Variants in B4GALT4 observed in about 807,000 individuals in gnomAD.
B4GALT4 encodes the protein N-acetyllactosamine synthase.
A neutral mutation model predicts 37.3 loss-of-function variants in B4GALT4; 27 were observed. The observed-to-expected ratio is 0.72, with a 90% CI of 0.53 to 1.00. B4GALT4 has a LOEUF of 1.00. Among genes scored for constraint, B4GALT4 ranks in the 50% least tolerant of loss-of-function variants. The pLI is 0.00. For missense variants in B4GALT4, 372 were observed against 413.1 expected, an observed-to-expected ratio of 0.90 and a Z score of 0.86; for synonymous variants, 148 against 154.1, an observed-to-expected ratio of 0.96 and a Z score of 0.29.
Position 119,218,686 on chromosome 3 carries a change from C to G in B4GALT4, c.761G>C (p.Trp254Ser), listed in dbSNP as rs1032269159. The change falls in exon 6 of 8, where the codon TGG (tryptophan) becomes TCG (serine). Residue 254 changes from tryptophan to serine, a missense_variant. Coordinates refer to ENST00000393765, the MANE Select transcript of B4GALT4 (RefSeq NM_003778.4). ...GTCATCGTCTTCGCCTCCCCATCCC[C>G]AGTAGTTGTTAGAGAATCCATTCAC... ...FKVNGFSNNYWGWGGEDDDLR... is the reference protein window; with the variant it reads ...FKVNGFSNNYSGWGGEDDDLR... 2 of 1,614,074 alleles carry G rather than the reference C, an allele frequency of 1.2e-6. No homozygotes were observed. Among genetic ancestry groups the G allele is most frequent in the African/African-American group, 2.7e-5 (2 of 74,924 alleles).
At chr3:119,238,907 C>T (rs546237891) in intron 1 of B4GALT4, among the ~76,000 whole-genome samples, 2 of 152,198 alleles carry the variant, frequency 1.3e-5, no homozygotes, top group African/African-American at 4.8e-5. Flanking sequence ...AAGCCCCAAT[C>T]TCAAAGAAAA....
At chr3:119,232,602 T>A (rs927311607) in intron 2 of B4GALT4, 1 of 152,310 alleles carries the variant, frequency 6.6e-6, no homozygotes, top group Non-Finnish European at 1.5e-5. Flanking sequence ...TGCCTTCCGT[T>A]TCCTAGGGAC....
chr3:119,238,244 G>T (rs1014887484), intron 1 of B4GALT4, among the ~76,000 whole-genome samples: 2 of 142,364 alleles, frequency 1.4e-5, no homozygotes, highest in African/African-American at 2.6e-5. Flanking sequence ...TCCAGCCTGG[G>T]CATCAGAGAC....
chr3:119,240,639 TGCCTCCCGCCA>T (rs1447976134), intron 1 of B4GALT4, 200 bp downstream of exon 1: 1 of 152,120 alleles, frequency 6.6e-6, no homozygotes, highest in Admixed American at 6.5e-5. Flanking sequence ...CCTGAGCCGG[TGCCTCCCGCCA>T]GGCTCGGCCT....
intron 7 of B4GALT4, chr3:119,214,838 C>T (rs969856847): frequency 6.6e-6 from 1 of 152,176 alleles, no homozygotes; most frequent in African/African-American, 2.4e-5. Context: ...GCATCAATGA[C>T]TGCTGAAGTC....
At chr3:119,218,872 C>G (rs1006975961) in intron 5 of B4GALT4, 100 bp from the exon 6 acceptor site, 2 of 1,386,360 alleles carry the variant, frequency 1.4e-6, no homozygotes, top group South Asian at 1.3e-5. Flanking sequence ...CCATGTACTT[C>G]CACCCACCCA....
chr3:119,220,847 G>A (rs1272213367), intron 5 of B4GALT4, among the ~76,000 whole-genome samples: 4 of 152,098 alleles, frequency 2.6e-5, no homozygotes, highest in Admixed American at 2.0e-4. Flanking sequence ...TTAGCTGGGC[G>A]TGGTGGCACG....
chr3:119,229,979 T>C lies in B4GALT4; in HGVS notation c.121A>G (p.Ile41Val). The stretch of plus-strand genomic sequence containing the variant: ...GCCATGAACTCCTTTGCTTTAGGAA[T>C]CTCTTGAATGGCACCCACGAAGTAG... ...SNYFVGAIQEIPKAKEFMANF... is the reference protein window; with the variant it reads ...SNYFVGAIQEVPKAKEFMANF... Residue 41 changes from isoleucine to valine, a missense_variant, in exon 3 of 8, where the codon ATT becomes GTT. Transcript: ENST00000393765. 2 of 1,614,122 alleles carry C rather than the reference T, an allele frequency of 1.2e-6. No homozygotes were observed. The highest frequency in any genetic ancestry group is 1.1e-5 in the South Asian group (1 of 91,076).
At chr3:119,222,985 A>G (rs9851890) in intron 5 of B4GALT4, among the ~76,000 whole-genome samples, 41,126 of 152,162 alleles carry the variant, frequency 0.27, 5,767 homozygotes, top group East Asian at 0.35. Context: ...AGAGCAACAC[A>G]GAAGCCCAGA....
Position 119,230,014 on chromosome 3 carries a change from G to A in B4GALT4, c.86C>T (p.Ala29Val), listed in dbSNP as rs1299449126. 1.2e-6 allele frequency: 2 copies of A among 1,614,142 alleles called. No individual in the cohort carries two copies. The highest frequency in any genetic ancestry group is 1.7e-5 in the Admixed American group (1 of 60,006). The part of the protein sequence containing the change: ...LTLCLTVVGW[A>V]TSNYFVGAIQ... ...GGCACCCACGAAGTAGTTACTGGTG[G>A]CCCACCCAACCACTGTCAGGCACAA... The change falls in exon 3 of 8, where the codon GCC becomes GTC. Residue 29 changes from alanine (A) to valine (V), a missense_variant. Transcript: ENST00000393765.
At chr3:119,222,183 A>C (rs2078469692) in intron 5 of B4GALT4, among the ~76,000 whole-genome samples, 1 of 152,228 alleles carries the variant, frequency 6.6e-6, no homozygotes, top group Non-Finnish European at 1.5e-5. Context: ...CATCTATGGT[A>C]AGTGTCTAAG....
intron 5 of B4GALT4, among the ~76,000 whole-genome samples, chr3:119,219,049 T>A (rs1341531315): frequency 6.6e-6 from 1 of 152,118 alleles, no homozygotes; most frequent in African/African-American, 2.4e-5. Context: ...TACCTGTCAA[T>A]GTGAACCACA....
chr3:119,220,586 GACC>G (rs1181121831), intron 5 of B4GALT4, among the ~76,000 whole-genome samples: 2 of 152,180 alleles, frequency 1.3e-5, no homozygotes, highest in African/African-American at 4.8e-5. Context: ...ATCTCCTGGT[GACC>G]ACAACTCTGT....
chr3:119,229,390 T>C (rs776540391), intron 3 of B4GALT4, among the ~76,000 whole-genome samples: 3 of 152,282 alleles, frequency 2.0e-5, no homozygotes, highest in Non-Finnish European at 4.4e-5. Flanking sequence ...TCAATGAAAA[T>C]GGACAAACCA....
intron 4 of B4GALT4, 77 bp from the exon 5 acceptor site, chr3:119,224,322 G>T: frequency 8.6e-7 from 1 of 1,159,992 alleles, no homozygotes. Context: ...TTAGGATTCA[G>T]GAGATGGTAT....
intron 5 of B4GALT4, among the ~76,000 whole-genome samples, chr3:119,219,973 A>T (rs1323556141): frequency 6.6e-6 from 1 of 152,232 alleles, no homozygotes; most frequent in Non-Finnish European, 1.5e-5. Flanking sequence ...AAAAAGAAAA[A>T]CCAAAAGGAG....
chr3:119,222,428 GC>G (rs5852195), intron 5 of B4GALT4, among the ~76,000 whole-genome samples: 56,068 of 151,860 alleles, frequency 0.37, 11,116 homozygotes, highest in Non-Finnish European at 0.42. Flanking sequence ...TGGATCCACA[GC>G]CCCCGCCCTA....
chr3:119,236,319 A>AG (rs1285754484), intron 2 of B4GALT4: 4 of 151,840 alleles, frequency 2.6e-5, no homozygotes, highest in Admixed American at 6.6e-5. Context: ...CAGAAAAAAA[A>AG]AACAGACATT....
intron 6 of B4GALT4, among the ~76,000 whole-genome samples, chr3:119,216,827 C>T (rs1026682087): frequency 6.6e-6 from 1 of 152,196 alleles, no homozygotes; most frequent in Non-Finnish European, 1.5e-5. Context: ...TTTACAACCT[C>T]AGTAAGTCAG....
Sources: allele counts gnomAD v4.1 joint callset (sites outside exome capture counted in the v4.1 genomes callset), GRCh38; gene constraint gnomAD v4.1.1; transcripts MANE v1.5; gene names NCBI Gene and HGNC (gene_info 2026-07-23, HGNC 2026-07-21).